The following PTBP3 variants were observed in gnomAD, a reference collection of about 807,000 sequenced individuals.
PTBP3 encodes the protein polypyrimidine tract-binding protein 3.
In PTBP3, 20 loss-of-function variants were observed where a neutral mutation model predicts 58.7. The observed-to-expected ratio is 0.34, with a 90% CI of 0.24 to 0.50. The LOEUF is 0.50. Among genes scored for constraint, PTBP3 ranks in the 20% least tolerant of loss-of-function variants. The pLI is 0.98. For missense variants in PTBP3, 509 were observed against 637.2 expected (o/e 0.80, Z 2.17); for synonymous variants, 185 against 219.8 (o/e 0.84, Z 1.40).
chr9:112,233,538 A>C (rs974251086), intron 8 of PTBP3, among the ~76,000 whole-genome samples: 1 of 152,142 alleles, frequency 6.6e-6, no homozygotes, highest in Non-Finnish European at 1.5e-5. Flanking sequence ...ACTTAATTAA[A>C]CATATGTTAA....
In PTBP3 at chr9:112,333,542, G is replaced by T; in HGVS notation, c.-124C>A. On this transcript the variant is annotated 5_prime_UTR_variant, in exon 1 of 14. Coordinates refer to ENST00000374257, the MANE Select transcript of PTBP3 (RefSeq NM_001163788.4). ...CTAACCGCGAGCAGAGGAAGCAGGC[G>T]GCGGCAGCAGGGCGGTTCCGGGGAC... 3.2e-6 allele frequency: 5 copies of T among 1,551,970 alleles called. No individual in the cohort carries two copies. Among genetic ancestry groups the T allele is most frequent in the Non-Finnish European group, 3.5e-6 (4 of 1,143,536 alleles).
chr9:112,308,351 TAAAAAAA>T (rs58071863), intron 1 of PTBP3, among the ~76,000 whole-genome samples: 2 of 135,096 alleles, frequency 1.5e-5, no homozygotes, highest in Admixed American at 7.4e-5. Flanking sequence ...TCCTTTTATT[TAAAAAAA>T]AAAAAAAAAA....
At chr9:112,326,323 GAGTA>G (rs1355243438) in intron 1 of PTBP3, among the ~76,000 whole-genome samples, 5 of 152,236 alleles carry the variant, frequency 3.3e-5, no homozygotes, top group African/African-American at 7.2e-5. Context: ...AAGGGCCAGA[GAGTA>G]AGTATTTTAG....
chr9:112,259,585 T>C (rs1836508402), intron 5 of PTBP3, among the ~76,000 whole-genome samples: 2 of 152,152 alleles, frequency 1.3e-5, no homozygotes, highest in African/African-American at 2.4e-5. Flanking sequence ...TGCTCAGATA[T>C]CATATTGCAA....
intron 2 of PTBP3, among the ~76,000 whole-genome samples, chr9:112,279,267 C>T (rs2132222544): frequency 6.6e-6 from 1 of 152,134 alleles, no homozygotes; most frequent in South Asian, 2.1e-4. Context: ...AATCTTAATA[C>T]AAAAATAAGC....
intron 1 of PTBP3, among the ~76,000 whole-genome samples, chr9:112,303,337 T>C (rs1829030675): frequency 6.6e-6 from 1 of 152,210 alleles, no homozygotes; most frequent in African/African-American, 2.4e-5. Flanking sequence ...CATTAAAATG[T>C]GTATGGTTCC....
chr9:112,375,029 C>A, the PTBP3 span, among the ~76,000 whole-genome samples: 1 of 152,184 alleles, frequency 6.6e-6, no homozygotes, highest in Non-Finnish European at 1.5e-5. Flanking sequence ...CCATGAATAA[C>A]CTCCATCCCT....
Position 112,223,945 on chromosome 9 carries a change from A to G in PTBP3, c.1481T>C (p.Val494Ala), listed in dbSNP as rs1273548104. ...AATGAGGGCCTGAATTGCTTCTTCC[A>G]CAGATCCCAATTGAATGAGCGCCAT... Reference protein sequence around the residue: ...RKMALIQLGSVEEAIQALIEL... With the variant: ...RKMALIQLGSAEEAIQALIEL... Residue 494 changes from valine (V) to alanine (A), a missense_variant, in exon 14 of 14, where the codon GTG becomes GCG. Physicochemically the swap from Val to Ala is moderately conservative, Grantham distance 64. This residue lies in a region of PTBP3 where 135 missense variants were observed against 229.0 expected (regional missense o/e 0.59). Transcript: ENST00000374257. 53 of 1,613,558 alleles carry G rather than the reference A, an allele frequency of 3.3e-5. No homozygotes were observed. Among genetic ancestry groups the G allele is most frequent in the Non-Finnish European group, 4.5e-5 (53 of 1,179,766 alleles).
At chr9:112,353,965 A>AT in the PTBP3 span, among the ~76,000 whole-genome samples, 35 of 152,136 alleles carry the variant, frequency 2.3e-4, no homozygotes, top group Non-Finnish European at 3.1e-4. Context: ...CATTAAAAAA[A>AT]AAATATATAT....
intron 5 of PTBP3, among the ~76,000 whole-genome samples, chr9:112,259,274 C>T (rs143144241): frequency 5.8e-4 from 89 of 152,238 alleles, no homozygotes; most frequent in African/African-American, 2.0e-3. Context: ...AATATAGCAA[C>T]AAGAGTGATT....
At chr9:112,349,630 G>A in the PTBP3 span, among the ~76,000 whole-genome samples, 2 of 151,814 alleles carry the variant, frequency 1.3e-5, no homozygotes, top group Admixed American at 6.6e-5. Context: ...TGGCTGAGGC[G>A]GGTGGATCAC....
the PTBP3 span, among the ~76,000 whole-genome samples, chr9:112,378,982 C>A: frequency 1.3e-4 from 20 of 152,246 alleles, no homozygotes; most frequent in African/African-American, 4.8e-4. Context: ...AGGTCAGGAG[C>A]TCGAGACCAG....
chr9:112,336,980 C>T (rs1269791248), upstream of PTBP3, among the ~76,000 whole-genome samples: 1 of 152,156 alleles, frequency 6.6e-6, no homozygotes, highest in Non-Finnish European at 1.5e-5. Context: ...AAGGTGAAGC[C>T]TTAACTCTTT....
chr9:112,339,290 CAAAAAAA>C, the PTBP3 span, among the ~76,000 whole-genome samples: 1,391 of 71,772 alleles, frequency 0.019, 21 homozygotes, highest in African/African-American at 0.058. Flanking sequence ...GACTCTGTCT[CAAAAAAA>C]AAAAAAAAAA....
At chr9:112,358,920 G>A in the PTBP3 span, among the ~76,000 whole-genome samples, 2 of 152,084 alleles carry the variant, frequency 1.3e-5, no homozygotes, top group African/African-American at 4.8e-5. Context: ...CTATAGCCTC[G>A]ACCTCCTGGG....
chr9:112,337,249 C>T (rs1219154338), upstream of PTBP3, among the ~76,000 whole-genome samples: 1 of 152,166 alleles, frequency 6.6e-6, no homozygotes, highest in African/African-American at 2.4e-5. Flanking sequence ...AGGCTGGTCT[C>T]AAACTCCTGG....
intron 1 of PTBP3, among the ~76,000 whole-genome samples, chr9:112,304,969 A>AC (rs1257839793): frequency 2.0e-5 from 3 of 152,196 alleles, no homozygotes; most frequent in Non-Finnish European, 4.4e-5. Context: ...AGTGAAACAG[A>AC]CAACTTTTCT....
chr9:112,218,522 TA>T lies in PTBP3; in HGVS notation c.*5328del, dbSNP rs1834697110. 1 of 152,636 alleles carries T rather than the reference TA, an allele frequency of 6.6e-6. No individual in the cohort carries two copies. The highest frequency in any genetic ancestry group is 1.5e-5 in the Non-Finnish European group (1 of 68,034). 9.5% of individuals were successfully genotyped at this position (152,636 alleles called of 1,614,324 possible). On this transcript the variant is annotated 3_prime_UTR_variant, in exon 14 of 14. Transcript: ENST00000374257. ...AGGAAAAGAGATTAGAGATATCAAGTAATAGTCAGCAAATATACAAACTGAA... is the reference window on the plus strand; with the variant it reads ...AGGAAAAGAGATTAGAGATATCAAGTATAGTCAGCAAATATACAAACTGAA...
chr9:112,236,663 G>T (rs1835450180), intron 7 of PTBP3, among the ~76,000 whole-genome samples: 1 of 152,162 alleles, frequency 6.6e-6, no homozygotes, highest in Admixed American at 6.5e-5. Flanking sequence ...ATGCCTTTAG[G>T]TGGAAGAGCA....
Sources: allele counts gnomAD v4.1 joint callset (sites outside exome capture counted in the v4.1 genomes callset), GRCh38; gene constraint gnomAD v4.1.1; regional missense constraint gnomAD v4.1.1; transcripts MANE v1.5; gene names NCBI Gene and HGNC (gene_info 2026-07-23, HGNC 2026-07-21).